The following STK39 variants were observed in gnomAD, a reference collection of about 807,000 sequenced individuals.
The protein encoded by STK39 is serine/threonine kinase 39.
A neutral mutation model predicts 77.8 loss-of-function variants in STK39; 20 were observed. The ratio of observed to expected loss-of-function variants is 0.26; its 90% CI spans 0.18 to 0.37. The LOEUF (loss-of-function observed/expected upper bound fraction) is 0.37. STK39 is among the 10% of genes least tolerant of loss of function. The pLI is 1.00. For synonymous variants in STK39, 246 were observed against 234.1 expected (o/e 1.05, Z -0.47); for missense variants, 479 against 656.5 (o/e 0.73, Z 2.95).
chr2:168,027,275 G>A (rs935434504), intron 14 of STK39, among the ~76,000 whole-genome samples: 2 of 152,172 alleles, frequency 1.3e-5, no homozygotes, highest in Admixed American at 1.3e-4. Flanking sequence ...TGTGAGAATA[G>A]TAGCTGAACC....
intron 1 of STK39, among the ~76,000 whole-genome samples, chr2:168,236,933 C>T (rs932126384): frequency 2.9e-4 from 44 of 152,006 alleles, no homozygotes; most frequent in Admixed American, 2.0e-3. Flanking sequence ...GCAATGCGGG[C>T]TTTTTGGTTC....
chr2:168,030,847 T>A (rs1684815880), intron 14 of STK39, among the ~76,000 whole-genome samples: 1 of 152,206 alleles, frequency 6.6e-6, no homozygotes, highest in Non-Finnish European at 1.5e-5. Context: ...AATACATAGT[T>A]GCACAGAAAG....
intron 1 of STK39, among the ~76,000 whole-genome samples, chr2:168,197,339 C>T (rs937993063): frequency 6.6e-6 from 1 of 152,146 alleles, no homozygotes; most frequent in Non-Finnish European, 1.5e-5. Flanking sequence ...TTATAATGAA[C>T]GGCCTTGATT....
At chr2:168,066,585 T>G (rs1202211109) in intron 12 of STK39, among the ~76,000 whole-genome samples, 1 of 152,212 alleles carries the variant, frequency 6.6e-6, no homozygotes, top group Non-Finnish European at 1.5e-5. Flanking sequence ...TTATAAACAT[T>G]ATTGTGACTT....
chr2:168,113,393 C>G (rs1687170870), intron 10 of STK39, among the ~76,000 whole-genome samples: 1 of 152,060 alleles, frequency 6.6e-6, no homozygotes, highest in Admixed American at 6.5e-5. Context: ...CTGTTTCACA[C>G]AGTGTAACAC....
At chr2:167,992,984 G>A (rs1321599163) in intron 16 of STK39, among the ~76,000 whole-genome samples, 1 of 152,148 alleles carries the variant, frequency 6.6e-6, no homozygotes, top group African/African-American at 2.4e-5. Context: ...GCAAACTTTG[G>A]TTTCTTCTCT....
chr2:168,137,530 C>T (rs1465025687), intron 8 of STK39, among the ~76,000 whole-genome samples: 1 of 152,192 alleles, frequency 6.6e-6, no homozygotes, highest in Non-Finnish European at 1.5e-5. Flanking sequence ...AAATAGGAAA[C>T]ACTAATGTTA....
intron 5 of STK39, among the ~76,000 whole-genome samples, chr2:168,156,943 T>C (rs997509430): frequency 3.3e-5 from 5 of 152,088 alleles, no homozygotes; most frequent in Non-Finnish European, 7.4e-5. Context: ...AAATAACTCT[T>C]AAACCCCTAC....
In STK39 at chr2:168,017,061, C is replaced by G. The variant is rs200294746; in HGVS notation, c.1411G>C (p.Glu471Gln). Residue 471 changes from glutamate to glutamine, a missense_variant, in exon 15 of 18, where the codon GAG becomes CAG. Transcript: ENST00000355999. ...SRKELNDIRFEFTPGRDTADG... is the reference protein window; with the variant it reads ...SRKELNDIRFQFTPGRDTADG... ...AACTTACCTCTTCCTGGAGTAAACT[C>G]AAATCGTATGTCATTAAGTTCCTTT... The G allele has an allele frequency of 9.1e-5, 146 of 1,607,082 alleles. No individual in the cohort carries two copies. Among genetic ancestry groups the G allele is most frequent in the Non-Finnish European group, 1.8e-5 (21 of 1,176,732 alleles).
intron 3 of STK39, among the ~76,000 whole-genome samples, chr2:168,164,497 C>A (rs1484809788): frequency 6.6e-6 from 1 of 152,156 alleles, no homozygotes; most frequent in Non-Finnish European, 1.5e-5. Flanking sequence ...GCCTCAACTT[C>A]CCAGGCTCAA....
chr2:168,162,476 C>T lies in STK39; in HGVS notation c.573-634G>A, dbSNP rs546486496. Among the ~76,000 whole-genome samples the T allele has an allele frequency of 3.3e-5, 5 of 152,180 alleles. No individual in the cohort carries two copies. In the East Asian group the frequency reaches 9.7e-4, roughly 29 times the overall value. ...GTTAGACACTGCCCATAAACTCACA[C>T]TACTGTCATTCTACCAAGTATTAAA... is the stretch of plus-strand genomic sequence containing the variant. On this transcript the variant is annotated intron_variant, in intron 4 of 17. Coordinates refer to ENST00000355999, the MANE Select transcript of STK39 (RefSeq NM_013233.3).
At chr2:168,197,632 C>T (rs56162624) in intron 1 of STK39, among the ~76,000 whole-genome samples, 1 of 152,118 alleles carries the variant, frequency 6.6e-6, no homozygotes, top group Non-Finnish European at 1.5e-5. Context: ...AGAAATGTTA[C>T]GTATAACTAA....
At chr2:168,211,523 C>A (rs1012375754) in intron 1 of STK39, among the ~76,000 whole-genome samples, 1 of 152,216 alleles carries the variant, frequency 6.6e-6, no homozygotes, top group Admixed American at 6.5e-5. Flanking sequence ...TGCCTTCAAC[C>A]TCTAAACCAG....
chr2:167,972,589 C>T (rs531255906), intron 16 of STK39, among the ~76,000 whole-genome samples: 1 of 152,304 alleles, frequency 6.6e-6, no homozygotes, highest in Admixed American at 6.5e-5. Flanking sequence ...TTCTCTTCCC[C>T]TCCACGAACC....
At chr2:168,001,283 A>AAAAC (rs1046616325) in intron 16 of STK39, among the ~76,000 whole-genome samples, 3 of 151,852 alleles carry the variant, frequency 2.0e-5, no homozygotes, top group Admixed American at 1.3e-4. Context: ...AAAAAAAAAA[A>AAAAC]AACAACAACA....
intron 16 of STK39, among the ~76,000 whole-genome samples, chr2:168,009,536 T>C (rs1684216267): frequency 6.6e-6 from 1 of 152,184 alleles, no homozygotes; most frequent in African/African-American, 2.4e-5. Context: ...GCAAGGAACA[T>C]TACCAGTTGC....
intron 10 of STK39, among the ~76,000 whole-genome samples, chr2:168,122,780 CAATA>C (rs1687442305): frequency 6.6e-6 from 1 of 151,896 alleles, no homozygotes; most frequent in Non-Finnish European, 1.5e-5. Flanking sequence ...TTCTATCTAT[CAATA>C]AAATTCCTCA....
intron 17 of STK39, among the ~76,000 whole-genome samples, chr2:167,959,793 G>C (rs1691894696): frequency 6.6e-6 from 1 of 152,206 alleles, no homozygotes. Context: ...GCCTGGCTCT[G>C]AGGAACACAG....
At chr2:168,022,673 G>A (rs1269979485) in intron 14 of STK39, among the ~76,000 whole-genome samples, 1 of 152,120 alleles carries the variant, frequency 6.6e-6, no homozygotes, top group Non-Finnish European at 1.5e-5. Context: ...CATTAGTGAG[G>A]GCAAATATAA....
Sources: gnomAD v4.1 joint callset for allele counts (sites outside exome capture counted in the v4.1 genomes callset) on GRCh38, gnomAD v4.1.1 for gene constraint, MANE v1.5 for transcripts, NCBI Gene and HGNC (gene_info 2026-07-23, HGNC 2026-07-21) for gene names.